The following SUPT3H variants were observed in gnomAD, a reference collection of about 807,000 sequenced individuals.
SUPT3H encodes SPT3 homolog, SAGA and STAGA complex component, also known as transcription initiation protein SPT3 homolog.
A neutral mutation model predicts 44.3 loss-of-function variants in SUPT3H; 44 were observed. The observed-to-expected ratio is 0.99, with a 90% CI of 0.78 to 1.28. The LOEUF is 1.28. Among genes scored for constraint, SUPT3H ranks in the 50% most tolerant of loss-of-function variants. SUPT3H has a pLI of 0.00. For missense variants in SUPT3H, 380 were observed against 387.1 expected (o/e 0.98, Z 0.15); for synonymous variants, 124 against 125.6 (o/e 0.99, Z 0.09).
intron 3 of SUPT3H, among the ~76,000 whole-genome samples, chr6:45,056,519 A>AGCATTT (rs1348190453): frequency 1.3e-5 from 2 of 152,208 alleles, no homozygotes; most frequent in Non-Finnish European, 2.9e-5. Context: ...AAAATAATGC[A>AGCATTT]GCATTTGCAT....
At chr6:44,812,326 G>A (rs925736540) in intron 11 of SUPT3H, among the ~76,000 whole-genome samples, 21 of 152,178 alleles carry the variant, frequency 1.4e-4, no homozygotes, top group South Asian at 6.2e-4. Context: ...TTTTCGAGCC[G>A]TCTGTAAGCT....
intron 5 of SUPT3H, among the ~76,000 whole-genome samples, chr6:45,007,148 C>T (rs1338282172): frequency 6.6e-6 from 1 of 152,138 alleles, no homozygotes; most frequent in African/African-American, 2.4e-5. Flanking sequence ...CGGTGTTATA[C>T]ATGAGAAGTC....
intron 3 of SUPT3H, among the ~76,000 whole-genome samples, chr6:45,083,418 C>G (rs557285810): frequency 1.3e-4 from 20 of 151,964 alleles, no homozygotes; most frequent in African/African-American, 4.8e-4. Context: ...TCTTGAACTC[C>G]TGACCTCATA....
At chr6:45,049,112 G>A (rs1480814232) in intron 3 of SUPT3H, among the ~76,000 whole-genome samples, 4 of 152,050 alleles carry the variant, frequency 2.6e-5, no homozygotes, top group Non-Finnish European at 4.4e-5. Context: ...CAATGTACAC[G>A]TGTTTCCAAA....
intron 2 of SUPT3H, among the ~76,000 whole-genome samples, chr6:45,207,399 A>G (rs1344181021): frequency 6.6e-6 from 1 of 152,210 alleles, no homozygotes; most frequent in Non-Finnish European, 1.5e-5. Context: ...AAATTTTAGA[A>G]AGAATGGGAG....
rs190423307 is a variant in SUPT3H at position 44,990,300 on chromosome 6, A to G, written c.504+13353T>C. Reference sequence around the variant, plus strand: ...GAAGATTAGTTGACCACATGCGTGTAGGTTTATTTCTGGGCTTTCTGTTCC... The same window carrying G: ...GAAGATTAGTTGACCACATGCGTGTGGGTTTATTTCTGGGCTTTCTGTTCC... On this transcript the variant is annotated intron_variant, in intron 6 of 10. Coordinates refer to ENST00000371459, the MANE Select transcript of SUPT3H (RefSeq NM_003599.4). Among the ~76,000 whole-genome samples the G allele has an allele frequency of 5.2e-4, 79 of 151,994 alleles. 2 individuals are homozygous for G. Among genetic ancestry groups the G allele is most frequent in the African/African-American group, 7.2e-5 (3 of 41,476 alleles).
chr6:45,125,758 T>A (rs140058665), intron 2 of SUPT3H, among the ~76,000 whole-genome samples: 1 of 151,154 alleles, frequency 6.6e-6, no homozygotes, highest in East Asian at 1.9e-4. Context: ...TTCAGGTAAC[T>A]GAACACAATA....
At chr6:44,850,520 A>G (rs1772687551) in intron 10 of SUPT3H, among the ~76,000 whole-genome samples, 1 of 152,182 alleles carries the variant, frequency 6.6e-6, no homozygotes, top group African/African-American at 2.4e-5. Context: ...GACTTATTAG[A>G]TCATCAAGTC....
At chr6:44,942,974 T>C (rs943499063) in intron 9 of SUPT3H, among the ~76,000 whole-genome samples, 3 of 152,148 alleles carry the variant, frequency 2.0e-5, no homozygotes, top group Admixed American at 6.5e-5. Context: ...TATGATGTAT[T>C]ACTCACAATG....
At chr6:44,902,459 A>G (rs1455809360) in intron 10 of SUPT3H, among the ~76,000 whole-genome samples, 8 of 152,228 alleles carry the variant, frequency 5.3e-5, no homozygotes, top group Non-Finnish European at 1.2e-4. Flanking sequence ...TGGTAAAGGG[A>G]TCAATTCAAC....
At chr6:45,139,318 C>T (rs59052256) in intron 2 of SUPT3H, among the ~76,000 whole-genome samples, 9,291 of 152,122 alleles carry the variant, frequency 0.061, 960 homozygotes, top group African/African-American at 0.21. Context: ...ATTCTGGTGA[C>T]GCATCAGGTC....
chr6:44,906,904 G>A (rs1404934474), intron 10 of SUPT3H, among the ~76,000 whole-genome samples: 1 of 152,162 alleles, frequency 6.6e-6, no homozygotes, highest in East Asian at 1.9e-4. Flanking sequence ...ATGTACTTTG[G>A]AGGTTGACCC....
chr6:45,086,369 T>C (rs138975620), intron 3 of SUPT3H, among the ~76,000 whole-genome samples: 56 of 152,092 alleles, frequency 3.7e-4, no homozygotes, highest in Middle Eastern at 3.4e-3. Context: ...AAATCATCCT[T>C]AGGAACTCAT....
intron 2 of SUPT3H, among the ~76,000 whole-genome samples, chr6:45,281,661 G>T (rs1193640523): frequency 6.6e-6 from 1 of 152,124 alleles, no homozygotes; most frequent in African/African-American, 2.4e-5. Flanking sequence ...CTCCACCTCT[G>T]GGGGCAGGGC....
intron 6 of SUPT3H, among the ~76,000 whole-genome samples, chr6:44,970,426 T>C (rs1048149700): frequency 1.1e-4 from 17 of 152,316 alleles, no homozygotes; most frequent in African/African-American, 4.1e-4. Flanking sequence ...TTTTTGCTAA[T>C]GTTTCCTTAA....
chr6:45,000,073 T>C (rs1385810622), intron 6 of SUPT3H, among the ~76,000 whole-genome samples: 2 of 150,452 alleles, frequency 1.3e-5, no homozygotes, highest in East Asian at 3.9e-4. Flanking sequence ...TATACACATA[T>C]AAATGTATAT....
intron 2 of SUPT3H, among the ~76,000 whole-genome samples, chr6:45,305,139 T>G (rs73735354): frequency 0.17 from 26,150 of 152,214 alleles, 2,524 homozygotes; most frequent in Admixed American, 0.28. Flanking sequence ...TAGAACTTTT[T>G]AATCTAAGCC....
chr6:44,957,579 T>C (rs568981246), intron 7 of SUPT3H, among the ~76,000 whole-genome samples: 15 of 151,986 alleles, frequency 9.9e-5, no homozygotes, highest in African/African-American at 3.4e-4. Context: ...CTCTAAACAG[T>C]TGATTTTAAA....
At chr6:44,970,418 T>C (rs907541434) in intron 6 of SUPT3H, among the ~76,000 whole-genome samples, 1 of 152,146 alleles carries the variant, frequency 6.6e-6, no homozygotes, top group African/African-American at 2.4e-5. Context: ...AGTACCAATT[T>C]TTGCTAATGT....
Sources: allele counts gnomAD v4.1 joint callset (sites outside exome capture counted in the v4.1 genomes callset), GRCh38; gene constraint gnomAD v4.1.1; transcripts MANE v1.5; gene names NCBI Gene and HGNC (gene_info 2026-07-23, HGNC 2026-07-21).